The following PHGDH variants were observed in gnomAD, a reference collection of about 807,000 sequenced individuals.
The protein encoded by PHGDH is D-3-phosphoglycerate dehydrogenase.
PHGDH carries 50 observed loss-of-function variants against 52.6 expected under a neutral mutation model. The observed-to-expected ratio is 0.95, with a 90% CI of 0.76 to 1.20. PHGDH has a LOEUF of 1.20. PHGDH is among the 50% of genes most tolerant of loss of function. PHGDH has a pLI of 0.00. For synonymous variants in PHGDH, 271 were observed against 280.5 expected, an observed-to-expected ratio of 0.97 and a Z score of 0.34; for missense variants, 630 against 684.6, an observed-to-expected ratio of 0.92 and a Z score of 0.89.
rs745471026 is a variant in PHGDH at position 119,735,335 on chromosome 1, G to A, written c.684G>A (p.Gly228=). 6.2e-7 allele frequency: 1 copy of A among 1,614,108 alleles called. No homozygotes were observed. The highest frequency in any genetic ancestry group is 1.3e-5 in the African/African-American group (1 of 74,946). ...ACACCTTTGCCCAGTGCAAGAAGGG[G>A]GTGCGTGTGGTGAACTGTGCCCGTG... ...NDNTFAQCKK[G]VRVVNCARGG... Residue 228 remains glycine, a synonymous_variant, in exon 7 of 12, where the codon GGG becomes GGA. Transcript: ENST00000641023.
chr1:119,742,884 C>A lies in PHGDH; in HGVS notation c.1287C>A (p.Gly429=), dbSNP rs749990293. The change falls in exon 11 of 12, where the codon GGC becomes GGA. Residue 429 remains glycine (G), a synonymous_variant. Coordinates refer to ENST00000641023, the MANE Select transcript of PHGDH (RefSeq NM_006623.4). ...GCCTCCTGGCCGTGGCCCTGGCAGGCGCCCCTTACCAGGCTGTGGGCTTGG... is the reference window on the plus strand; with the variant it reads ...GCCTCCTGGCCGTGGCCCTGGCAGGAGCCCCTTACCAGGCTGTGGGCTTGG... ...GECLLAVALA[G]APYQAVGLVQ... is the part of the protein sequence containing the mutation. 1 of 1,613,882 alleles carries A rather than the reference C, an allele frequency of 6.2e-7. No individual in the cohort carries two copies. The highest frequency in any genetic ancestry group is 2.2e-5 in the East Asian group (1 of 44,886).
chr1:119,729,037 C>A (rs587637453), intron 5 of PHGDH, among the ~76,000 whole-genome samples: 1 of 152,158 alleles, frequency 6.6e-6, no homozygotes, highest in African/African-American at 2.4e-5. Flanking sequence ...TGGTGAGCAT[C>A]CCATTGTACA....
chr1:119,734,998 C>A (rs1651868958), intron 6 of PHGDH: 2 of 623,152 alleles, frequency 3.2e-6, no homozygotes, highest in East Asian at 2.7e-5. Context: ...ACCAGTGACC[C>A]CCATGGATGC....
chr1:119,735,855 T>C (rs189869340), intron 7 of PHGDH, among the ~76,000 whole-genome samples: 99 of 152,322 alleles, frequency 6.5e-4, no homozygotes, highest in African/African-American at 2.4e-3. Flanking sequence ...TCAGTGTCCA[T>C]GGGCATTCTT....
At chr1:119,729,831 A>G (rs1458904850) in intron 5 of PHGDH, 1 of 152,184 alleles carries the variant, frequency 6.6e-6, no homozygotes, top group Non-Finnish European at 1.5e-5. Flanking sequence ...CACCCACTGA[A>G]TGTTTTATTC....
At chr1:119,715,370 T>C (rs1358595746) in intron 1 of PHGDH, among the ~76,000 whole-genome samples, 1 of 152,210 alleles carries the variant, frequency 6.6e-6, no homozygotes, top group Non-Finnish European at 1.5e-5. Flanking sequence ...CAAATTTCTT[T>C]TCAAATTTCT....
intron 5 of PHGDH, chr1:119,727,424 G>A (rs1288251788): frequency 1.2e-5 from 5 of 414,050 alleles, no homozygotes; most frequent in South Asian, 2.2e-5. Context: ...CAAGAGACAC[G>A]GTGCAGCATT....
chr1:119,733,760 G>C (rs1651807948), intron 5 of PHGDH, among the ~76,000 whole-genome samples: 1 of 152,190 alleles, frequency 6.6e-6, no homozygotes, highest in South Asian at 2.1e-4. Context: ...ACTACCCAGA[G>C]ACAACCGCTG....
In PHGDH at chr1:119,744,122, A is replaced by G. The variant is rs1179951485; in HGVS notation, c.*82A>G. On this transcript the variant is annotated 3_prime_UTR_variant, in exon 12 of 12. Coordinates refer to ENST00000641023, the MANE Select transcript of PHGDH (RefSeq NM_006623.4). ...TGATCAATAGGGAGAGAAAATCCAC[A>G]TTCTTGGGCTGAACGCGGGCCTCTG... The G allele has an allele frequency of 1.5e-6, 2 of 1,342,290 alleles. No individual in the cohort carries two copies. Among genetic ancestry groups the G allele is most frequent in the South Asian group, 1.2e-5 (1 of 85,330 alleles). 83.1% of individuals were successfully genotyped at this position (1,342,290 alleles called of 1,614,324 possible). A position where few individuals can be genotyped will look rare whatever the true frequency, so the allele number is the denominator to read the frequency against.
chr1:119,743,498 T>G (rs1652304837), intron 11 of PHGDH, among the ~76,000 whole-genome samples: 1 of 152,208 alleles, frequency 6.6e-6, no homozygotes, highest in South Asian at 2.1e-4. Context: ...CCCAGTCAGC[T>G]GGGGCTTGGG....
At chr1:119,734,508 GAATT>G (rs1285433151) in intron 5 of PHGDH, 122 bp from the exon 6 acceptor site, 14 of 895,942 alleles carry the variant, frequency 1.6e-5, no homozygotes, top group Non-Finnish European at 2.4e-5. Context: ...ATTAACTGGA[GAATT>G]AATTAAGCTG....
rs1027924188 is a variant in PHGDH, at chr1:119,733,521, G to A, written c.511-1113G>A. Among the ~76,000 whole-genome samples, 6 of 148,426 alleles carry A rather than the reference G, an allele frequency of 4.0e-5. No homozygotes were observed. In the East Asian group the frequency reaches 8.0e-4, roughly 20 times the overall value. ...GCTAGTTTTTTAAATTTTTTGTAGG[G>A]GGGGGGGTCTGACTATGTTTCTCCA... On this transcript the variant is annotated intron_variant, in intron 5 of 11. Transcript: ENST00000641023.
chr1:119,737,005 C>T (rs191097543), intron 7 of PHGDH, 109 bp from the exon 8 acceptor site: 1 of 991,754 alleles, frequency 1.0e-6, no homozygotes, highest in Non-Finnish European at 1.6e-6. Context: ...AAGTGGAAGG[C>T]ACCAGAACTC....
At chr1:119,732,668 A>G (rs1469231783) in intron 5 of PHGDH, among the ~76,000 whole-genome samples, 1 of 152,232 alleles carries the variant, frequency 6.6e-6, no homozygotes, top group Non-Finnish European at 1.5e-5. Flanking sequence ...ATCTGCAGAT[A>G]AATGAGATAC....
chr1:119,717,325 G>A (rs989505831), intron 1 of PHGDH, among the ~76,000 whole-genome samples: 7 of 149,330 alleles, frequency 4.7e-5, no homozygotes, highest in African/African-American at 1.2e-4. Context: ...TATGGTGAAA[G>A]GAGTTTTCTC....
At chr1:119,722,497 G>T (rs1045071991) in intron 2 of PHGDH, among the ~76,000 whole-genome samples, 2 of 152,180 alleles carry the variant, frequency 1.3e-5, no homozygotes, top group African/African-American at 4.8e-5. Context: ...GGTCTGGATT[G>T]CCCTGTGACT....
At chr1:119,731,942 C>A (rs1651713459) in intron 5 of PHGDH, among the ~76,000 whole-genome samples, 2 of 152,190 alleles carry the variant, frequency 1.3e-5, no homozygotes, top group South Asian at 4.1e-4. Context: ...TGGCAAGGTG[C>A]CTTAGGGACA....
At position 119,736,005 on chromosome 1, in the gene PHGDH, C is replaced by T. The variant is rs1163343117; in HGVS notation, c.792+562C>T. On this transcript the variant is annotated intron_variant, in intron 7 of 11. Coordinates refer to ENST00000641023, the MANE Select transcript of PHGDH (RefSeq NM_006623.4). ...GATCCAGTAGGGAAGAGTGCATTTG[C>T]ACTCGAATCCTTTTGGCTCCTCTCC... 3.9e-5 allele frequency among the ~76,000 whole-genome samples: 6 copies of T among 152,172 alleles called. No individual in the cohort carries two copies. In the East Asian group the frequency reaches 7.7e-4, roughly 20 times the overall value.
At chr1:119,738,179 G>A (rs1289209635) in intron 8 of PHGDH, among the ~76,000 whole-genome samples, 1 of 152,234 alleles carries the variant, frequency 6.6e-6, no homozygotes, top group East Asian at 1.9e-4. Context: ...AGGCCATGGA[G>A]TCAAAGGGTC....
Sources: allele counts gnomAD v4.1 joint callset (sites outside exome capture counted in the v4.1 genomes callset), GRCh38; gene constraint gnomAD v4.1.1; transcripts MANE v1.5; gene names NCBI Gene and HGNC (gene_info 2026-07-23, HGNC 2026-07-21).